Variants in PTPN4 observed in about 807,000 individuals in gnomAD.
PTPN4 encodes the protein tyrosine-protein phosphatase non-receptor type 4.
PTPN4 carries 49 observed loss-of-function variants against 135.5 expected under a neutral mutation model. The ratio of observed to expected loss-of-function variants is 0.36; its 90% confidence interval spans 0.29 to 0.46. The LOEUF (loss-of-function observed/expected upper bound fraction) is 0.46, where lower values mean the gene tolerates loss of function less well. Ranked by LOEUF, PTPN4 falls within the 20% of genes least tolerant of loss-of-function variation. The pLI is 1.00. For missense variants in PTPN4, 860 were observed against 1,101.0 expected, an observed-to-expected ratio of 0.78 and a Z score of 3.10; for synonymous variants, 333 against 369.9, an observed-to-expected ratio of 0.90 and a Z score of 1.14.
intron 1 of PTPN4, among the ~76,000 whole-genome samples, chr2:119,800,989 G>GAT (rs1691352413): frequency 6.6e-6 from 1 of 151,918 alleles, no homozygotes; most frequent in Non-Finnish European, 1.5e-5. Context: ...GGGATTCCCA[G>GAT]TTTATTTTTC....
chr2:119,791,670 A>C (rs1198637419), intron 1 of PTPN4, among the ~76,000 whole-genome samples: 1 of 152,166 alleles, frequency 6.6e-6, no homozygotes, highest in Admixed American at 6.5e-5. Flanking sequence ...GTAATTGAGG[A>C]TCATTTGTAA....
intron 1 of PTPN4, among the ~76,000 whole-genome samples, chr2:119,768,687 C>G (rs985675748): frequency 4.6e-5 from 7 of 152,146 alleles, no homozygotes; most frequent in African/African-American, 1.7e-4. Context: ...GTCTTCCGAC[C>G]CCGCATTAGT....
In PTPN4 at chr2:119,921,696, A is replaced by G. The variant is rs150387976; in HGVS notation, c.1001+1455A>G. 5.8e-4 allele frequency among the ~76,000 whole-genome samples: 89 copies of G among 152,166 alleles called. No homozygotes were observed. In the East Asian group the frequency reaches 0.016, roughly 27 times the overall value. On this transcript the variant is annotated intron_variant, in intron 12 of 26. Coordinates refer to ENST00000263708, the MANE Select transcript of PTPN4 (RefSeq NM_002830.4). Reference sequence around the variant, plus strand: ...AGTACTTGCAAATTTAAAAGCAAATAGATGGAAGGAGAGAGTATCAGATCT... The same window carrying G: ...AGTACTTGCAAATTTAAAAGCAAATGGATGGAAGGAGAGAGTATCAGATCT...
chr2:119,799,742 A>G (rs192512249), intron 1 of PTPN4, among the ~76,000 whole-genome samples: 1 of 152,360 alleles, frequency 6.6e-6, no homozygotes, highest in Non-Finnish European at 1.5e-5. Flanking sequence ...ACGGAAAAGA[A>G]GGAAAAGACG....
At chr2:119,778,809 A>G (rs928836008) in intron 1 of PTPN4, among the ~76,000 whole-genome samples, 1 of 152,202 alleles carries the variant, frequency 6.6e-6, no homozygotes, top group African/African-American at 2.4e-5. Flanking sequence ...GAGGACATAC[A>G]AAGGACATTT....
chr2:119,956,497 C>G (rs750318218), intron 20 of PTPN4, among the ~76,000 whole-genome samples: 15 of 152,006 alleles, frequency 9.9e-5, no homozygotes, highest in Non-Finnish European at 1.5e-4. Context: ...TGTTTTTGTT[C>G]AAAAGTTCTT....
chr2:119,766,140 A>G (rs976440950), intron 1 of PTPN4, among the ~76,000 whole-genome samples: 4 of 152,066 alleles, frequency 2.6e-5, no homozygotes, highest in Non-Finnish European at 4.4e-5. Flanking sequence ...ACCCTGCCCC[A>G]GGATGGTTTC....
At chr2:119,870,098 C>G (rs1202377331) in intron 3 of PTPN4, among the ~76,000 whole-genome samples, 1 of 152,144 alleles carries the variant, frequency 6.6e-6, no homozygotes, top group Non-Finnish European at 1.5e-5. Flanking sequence ...TTTTCTTTAG[C>G]AATATGATTA....
rs189214209 is a variant in PTPN4, at chr2:119,883,123, A to G, written c.587+500A>G. Among the ~76,000 whole-genome samples the G allele has an allele frequency of 1.4e-3, 220 of 152,296 alleles. 10 individuals carry two copies. Among genetic ancestry groups the G allele is most frequent in the Admixed American group, 0.014 (218 of 15,306 alleles). On this transcript the variant is annotated intron_variant, in intron 8 of 26. Transcript: ENST00000263708. ...CTCTAAAATTTAAAACTTTTTGAGC[A>G]CTGACATTACACCACAGTGGGAAAT...
rs578158776 is a variant in PTPN4 at position 119,827,638 on chromosome 2, C to T, written c.138+17647C>T. Among the ~76,000 whole-genome samples, 19 of 152,188 alleles carry T rather than the reference C, an allele frequency of 1.2e-4. 2 individuals carry two copies. The South Asian group carries it at 3.5e-3, about 28-fold the overall frequency. On this transcript the variant is annotated intron_variant, in intron 2 of 26. Coordinates refer to ENST00000263708, the MANE Select transcript of PTPN4 (RefSeq NM_002830.4). The stretch of plus-strand genomic sequence containing the variant: ...ATCTCCTGTGAAACTATCACTGGAT[C>T]GAGATAATAGAATATTACCAGTACT...
At chr2:119,800,527 T>A (rs1574340736) in intron 1 of PTPN4, among the ~76,000 whole-genome samples, 1 of 17,686 alleles carries the variant, frequency 5.7e-5, no homozygotes, top group Non-Finnish European at 2.0e-4. Context: ...TTTTGCAGGC[T>A]TTTTTTTTTT....
chr2:119,906,825 G>A (rs1371801207), intron 10 of PTPN4, among the ~76,000 whole-genome samples: 1 of 152,130 alleles, frequency 6.6e-6, no homozygotes, highest in African/African-American at 2.4e-5. Flanking sequence ...GAGCAGTCAG[G>A]AAAGAGAATG....
chr2:119,940,391 T>A (rs1468595022), intron 15 of PTPN4, among the ~76,000 whole-genome samples: 1 of 152,208 alleles, frequency 6.6e-6, no homozygotes, highest in Non-Finnish European at 1.5e-5. Flanking sequence ...AATTGAAGAC[T>A]AGAATAACAG....
chr2:119,802,135 C>T (rs1055988470), intron 1 of PTPN4, among the ~76,000 whole-genome samples: 1 of 152,068 alleles, frequency 6.6e-6, no homozygotes, highest in East Asian at 1.9e-4. Flanking sequence ...GATCTCTTGA[C>T]CTTGTAATCC....
At chr2:119,783,264 A>G (rs945461537) in intron 1 of PTPN4, among the ~76,000 whole-genome samples, 2 of 152,206 alleles carry the variant, frequency 1.3e-5, no homozygotes, top group Non-Finnish European at 2.9e-5. Flanking sequence ...AAGTAAAACA[A>G]CAACAAAACT....
intron 1 of PTPN4, among the ~76,000 whole-genome samples, chr2:119,773,377 T>A (rs1278146398): frequency 6.6e-6 from 1 of 152,046 alleles, no homozygotes; most frequent in Non-Finnish European, 1.5e-5. Flanking sequence ...TTTTGGAGGT[T>A]TGGGACGATT....
At chr2:119,846,272 T>C (rs1677497476) in intron 2 of PTPN4, among the ~76,000 whole-genome samples, 1 of 152,216 alleles carries the variant, frequency 6.6e-6, no homozygotes, top group African/African-American at 2.4e-5. Flanking sequence ...TTGTTTAATA[T>C]GTTATTGAAA....
At chr2:119,784,448 G>A (rs1302684154) in intron 1 of PTPN4, among the ~76,000 whole-genome samples, 3 of 146,906 alleles carry the variant, frequency 2.0e-5, no homozygotes, top group Admixed American at 6.8e-5. Flanking sequence ...GTGAAGTGGC[G>A]CAATCTTGGC....
intron 1 of PTPN4, among the ~76,000 whole-genome samples, chr2:119,763,105 G>A (rs1282074578): frequency 6.6e-6 from 1 of 152,094 alleles, no homozygotes; most frequent in Non-Finnish European, 1.5e-5. Flanking sequence ...TCTAGGAACA[G>A]CATAATTTCT....
Sources: gnomAD v4.1 joint callset for allele counts (sites outside exome capture counted in the v4.1 genomes callset) on GRCh38, gnomAD v4.1.1 for gene constraint, MANE v1.5 for transcripts, NCBI Gene and HGNC (gene_info 2026-07-23, HGNC 2026-07-21) for gene names.